The following HERC1 variants were observed in gnomAD, a reference collection of about 807,000 sequenced individuals.
HERC1 encodes HECT and RLD domain containing E3 ubiquitin protein ligase family member 1, also known as probable E3 ubiquitin-protein ligase HERC1.
Under a neutral mutation model 554.3 loss-of-function variants are expected in HERC1, and 160 were observed. The observed-to-expected ratio is 0.29, with a 90% CI of 0.25 to 0.33. The LOEUF is 0.33. Ranked by LOEUF, HERC1 falls within the 10% of genes least tolerant of loss-of-function variation. The probability of loss-of-function intolerance (pLI) is 1.00; values close to 1 mark genes in which losing one functional copy is unlikely to be tolerated. For missense variants in HERC1, 4,919 were observed against 5,918.5 expected (o/e 0.83, Z 5.54); for synonymous variants, 2,175 against 2,131.7 (o/e 1.02, Z -0.56).
chr15:63,726,021 A>G (rs959153765), intron 17 of HERC1, among the ~76,000 whole-genome samples: 2 of 152,090 alleles, frequency 1.3e-5, no homozygotes, highest in Non-Finnish European at 2.9e-5. Flanking sequence ...TCGTTCTGTC[A>G]CTCAGGCTGG....
chr15:63,635,488 C>T (rs1256792764), intron 65 of HERC1, among the ~76,000 whole-genome samples: 3 of 152,170 alleles, frequency 2.0e-5, no homozygotes, highest in Non-Finnish European at 4.4e-5. Context: ...ATGACCTAGA[C>T]TAAATGAGAT....
intron 1 of HERC1, among the ~76,000 whole-genome samples, chr15:63,785,372 T>G (rs1054544923): frequency 6.6e-6 from 1 of 152,110 alleles, no homozygotes; most frequent in African/African-American, 2.4e-5. Flanking sequence ...GAGCTATAAG[T>G]GCACCACTGC....
At chr15:63,826,805 AAAAAAAAAAATAT>A (rs1189892597) in intron 1 of HERC1, among the ~76,000 whole-genome samples, 11 of 73,574 alleles carry the variant, frequency 1.5e-4, no homozygotes, top group Non-Finnish European at 2.1e-4. Flanking sequence ...AAAAAAAAAA[AAAAAAAAAAATAT>A]ATATATATAT....
intron 2 of HERC1, among the ~76,000 whole-genome samples, chr15:63,768,438 T>C (rs1312318996): frequency 6.6e-6 from 1 of 152,228 alleles, no homozygotes; most frequent in Admixed American, 6.5e-5. Flanking sequence ...AGAAGCTAAG[T>C]GTTTAAAAGT....
At chr15:63,653,293 A>G (rs2069808467) in intron 51 of HERC1, among the ~76,000 whole-genome samples, 1 of 152,072 alleles carries the variant, frequency 6.6e-6, no homozygotes, top group Non-Finnish European at 1.5e-5. Flanking sequence ...ATACAAAAAA[A>G]TTAGCCGAGT....
Position 63,680,200 on chromosome 15 carries a change from G to A in HERC1, c.6466-40C>T, listed in dbSNP as rs1268871920. Reference sequence around the variant, plus strand: ...CAGTGAGGAAAAGAAAAAGGAAATAGAAATTTTTTTAATTCACAATATCTA... The same window carrying A: ...CAGTGAGGAAAAGAAAAAGGAAATAAAAATTTTTTTAATTCACAATATCTA... On this transcript the variant is annotated intron_variant, in intron 35 of 77. Transcript: ENST00000443617. This position sits in a 1 kb window ranked among gnomAD's most constrained non-coding sequence, Gnocchi z 5.8. The A allele has an allele frequency of 3.3e-6, 5 of 1,518,176 alleles. No homozygotes were observed. Among genetic ancestry groups the A allele is most frequent in the East Asian group, 4.5e-5 (2 of 44,326 alleles). 94.0% of individuals were successfully genotyped at this position (1,518,176 alleles called of 1,614,324 possible). A position where few individuals can be genotyped will look rare whatever the true frequency, so the allele number is the denominator to read the frequency against.
At chr15:63,804,824 G>T (rs961960275) in intron 1 of HERC1, among the ~76,000 whole-genome samples, 1 of 152,098 alleles carries the variant, frequency 6.6e-6, no homozygotes, top group African/African-American at 2.4e-5. Flanking sequence ...AGCCAAAAAA[G>T]CGCATGAAAG....
chr15:63,787,098 T>G (rs1411967058), intron 1 of HERC1, among the ~76,000 whole-genome samples: 1 of 152,002 alleles, frequency 6.6e-6, no homozygotes, highest in Non-Finnish European at 1.5e-5. Context: ...TGCCTCAGCC[T>G]CACAAAGTGC....
At chr15:63,774,657 T>G (rs1427766056) in intron 2 of HERC1, 37 bp downstream of exon 2, 4 of 1,470,592 alleles carry the variant, frequency 2.7e-6, no homozygotes, top group Non-Finnish European at 3.7e-6. Flanking sequence ...TTCCAAAAAC[T>G]ATTATGAACT....
rs1381603396 is a variant in HERC1 at position 63,630,545 on chromosome 15, A to G, written c.12887T>C (p.Val4296Ala). 6.2e-7 allele frequency: 1 copy of G among 1,614,046 alleles called. No individual in the cohort carries two copies. The highest frequency in any genetic ancestry group is 8.5e-7 in the Non-Finnish European group (1 of 1,179,888). The change falls in exon 69 of 78, where the codon GTG becomes GCG. Residue 4296 changes from valine to alanine, a missense_variant. Physicochemically the swap from Val to Ala is moderately conservative, Grantham distance 64. Transcript: ENST00000443617. Reference sequence around the variant, plus strand: ...AAGTGTGTGTTCAGCTCCAACTGCCACATCTTCTATGATTACTCCAGCCAG... The same window carrying G: ...AAGTGTGTGTTCAGCTCCAACTGCCGCATCTTCTATGATTACTCCAGCCAG... ...PVLAGVIIEDVAVGAEHTLAL... is the reference protein window; with the variant it reads ...PVLAGVIIEDAAVGAEHTLAL...
intron 68 of HERC1, chr15:63,632,449 G>C (rs1488212061): frequency 2.0e-6 from 1 of 506,118 alleles, no homozygotes; most frequent in African/African-American, 1.9e-5. Flanking sequence ...TAGAAAAGAA[G>C]AGGGGACGGC....
At chr15:63,748,641 A>T (rs1357777019) in intron 10 of HERC1, among the ~76,000 whole-genome samples, 1 of 152,218 alleles carries the variant, frequency 6.6e-6, no homozygotes, top group East Asian at 1.9e-4. Context: ...ATAGCAAATT[A>T]TTTATATTCA....
chr15:63,705,090 A>G (rs2072933102), intron 25 of HERC1, among the ~76,000 whole-genome samples: 2 of 152,012 alleles, frequency 1.3e-5, no homozygotes, highest in South Asian at 4.1e-4. Flanking sequence ...TATGGTCTCA[A>G]AAGACTTCTC....
At chr15:63,690,980 A>G (rs1364948659) in intron 31 of HERC1, among the ~76,000 whole-genome samples, 1 of 152,230 alleles carries the variant, frequency 6.6e-6, no homozygotes, top group African/African-American at 2.4e-5. Flanking sequence ...CTGTTGAGAA[A>G]AATGAGGCTC....
In HERC1 at chr15:63,651,227, TTTACTAGTGTTTACATGACTC is replaced by T; in HGVS notation, c.10546+5_10546+25del. On this transcript the variant is annotated splice_donor_5th_base_variant and intron_variant, in intron 53 of 77. Coordinates refer to ENST00000443617, the MANE Select transcript of HERC1 (RefSeq NM_003922.4). Reference sequence around the variant, plus strand: ...GGCTTTAAAAAACTACTTTCAGCAGTTTACTAGTGTTTACATGACTCTTACCATTAACTTGCCAGATATTCA... The same window carrying T: ...GGCTTTAAAAAACTACTTTCAGCAGTTTACCATTAACTTGCCAGATATTCA... The T allele has an allele frequency of 6.2e-7, 1 of 1,609,814 alleles. No homozygotes were observed. The highest frequency in any genetic ancestry group is 8.5e-7 in the Non-Finnish European group (1 of 1,178,098).
Position 63,641,712 on chromosome 15 carries a change from T to A in HERC1, c.11434-69A>T, listed in dbSNP as rs537806514. 2.3e-6 allele frequency: 3 copies of A among 1,283,258 alleles called. No individual in the cohort carries two copies. In the South Asian group the frequency reaches 5.2e-5, roughly 22 times the overall value. 79.5% of individuals were successfully genotyped at this position (1,283,258 alleles called of 1,614,324 possible). On this transcript the variant is annotated intron_variant, in intron 59 of 77. Coordinates refer to ENST00000443617, the MANE Select transcript of HERC1 (RefSeq NM_003922.4). ...AAAAAATAATGCTATCACCATTTAATCTGCGAAATTCCTTCTAGTAACTGG... is the reference window on the plus strand; with the variant it reads ...AAAAAATAATGCTATCACCATTTAAACTGCGAAATTCCTTCTAGTAACTGG...
In HERC1 at chr15:63,656,323, G is replaced by A. The variant is rs1051526804; in HGVS notation, c.9635C>T (p.Ser3212Phe). 1.2e-6 allele frequency: 2 copies of A among 1,613,090 alleles called. No homozygotes were observed. Among genetic ancestry groups the A allele is most frequent in the Admixed American group, 1.7e-5 (1 of 59,994 alleles). ...CGTTCGGATATCTGTTAGCCCCAGA[G>A]ACTCAAGACCAGCAGCCAGGCTACA... is the stretch of plus-strand genomic sequence containing the variant. ...SSCSLAAGLE[S>F]LGLTDIRTLV... Residue 3212 changes from serine (S) to phenylalanine (F), a missense_variant, in exon 49 of 78, where the codon TCT becomes TTT. This residue lies in a region of HERC1 where 1,963 missense variants were observed against 2,228.6 expected (regional missense o/e 0.88). Transcript: ENST00000443617.
chr15:63,624,114 A>G (rs1566948348), intron 72 of HERC1, 44 bp downstream of exon 72: 4 of 1,527,768 alleles, frequency 2.6e-6, no homozygotes, highest in Non-Finnish European at 3.6e-6. Context: ...CATCCATCTG[A>G]AAAAATCACA....
chr15:63,640,042 GTATCCTTC>G, intron 61 of HERC1, 102 bp downstream of exon 61: 4 of 1,031,492 alleles, frequency 3.9e-6, no homozygotes, highest in Non-Finnish European at 5.7e-6. Flanking sequence ...TCTCTTAAGG[GTATCCTTC>G]TAGCCATGCA....
Sources: allele counts gnomAD v4.1 joint callset (sites outside exome capture counted in the v4.1 genomes callset), GRCh38; gene constraint gnomAD v4.1.1; regional missense constraint gnomAD v4.1.1; non-coding constraint Gnocchi (gnomAD v3.1); transcripts MANE v1.5; gene names NCBI Gene and HGNC (gene_info 2026-07-23, HGNC 2026-07-21).